The following OSBPL1A variants were observed in gnomAD, a reference collection of about 807,000 sequenced individuals.
The protein encoded by OSBPL1A is oxysterol binding protein like 1A, also known as oxysterol-binding protein-related protein 1.
OSBPL1A carries 80 observed loss-of-function variants against 137.1 expected under a neutral mutation model. The observed-to-expected ratio is 0.58, with a 90% CI of 0.49 to 0.70. The LOEUF (loss-of-function observed/expected upper bound fraction) is 0.70. Among genes scored for constraint, OSBPL1A ranks in the 30% least tolerant of loss-of-function variants. The pLI, the probability that OSBPL1A is intolerant of heterozygous loss-of-function variation, is 0.00. For missense variants in OSBPL1A, 970 were observed against 1,129.4 expected, an observed-to-expected ratio of 0.86 and a Z score of 2.02; for synonymous variants, 365 against 389.7, an observed-to-expected ratio of 0.94 and a Z score of 0.75.
rs2089869466 is a variant in OSBPL1A, at chr18:24,277,499, T to C, written c.1281+3343A>G. On this transcript the variant is annotated intron_variant, in intron 15 of 27. Transcript: ENST00000319481. ...TACCAATATGATCGCATTTACTCTT[T>C]AAAACAATCCCTTTTGGGTGGTCAC... is the stretch of plus-strand genomic sequence containing the variant. Among the ~76,000 whole-genome samples, 3 of 152,326 alleles carry C rather than the reference T, an allele frequency of 2.0e-5. 1 individual carries two copies. In the South Asian group the frequency reaches 6.2e-4, roughly 32 times the overall value.
In OSBPL1A at chr18:24,166,903, A is replaced by C. The variant is rs181477453; in HGVS notation, c.2536-201T>G. On this transcript the variant is annotated intron_variant, in intron 25 of 27. Transcript: ENST00000319481. Reference sequence around the variant, plus strand: ...GTGGGTATCTCTCAAAAAAATCTCAAAGCAGGCTTTGCAGAATAAATATCC... The same window carrying C: ...GTGGGTATCTCTCAAAAAAATCTCACAGCAGGCTTTGCAGAATAAATATCC... Among the ~76,000 whole-genome samples the C allele has an allele frequency of 2.0e-5, 3 of 152,280 alleles. No individual in the cohort carries two copies. In the East Asian group the frequency reaches 5.8e-4, roughly 29 times the overall value.
At position 24,195,861 on chromosome 18, in the gene OSBPL1A, T is replaced by C. The variant is rs144189856; in HGVS notation, c.1677+264A>G. On this transcript the variant is annotated intron_variant, in intron 18 of 27. Coordinates refer to ENST00000319481, the MANE Select transcript of OSBPL1A (RefSeq NM_080597.4). The stretch of plus-strand genomic sequence containing the variant: ...TTCTAGGTAAGTCTATGGGGCAATA[T>C]AAATGTGCTGTGTCAACAGAAACAC... The C allele has an allele frequency of 5.1e-4, 216 of 423,714 alleles. 1 individual carries two copies. The highest frequency in any genetic ancestry group is 3.9e-3 in the African/African-American group (190 of 49,258). The allele number at this position is 423,714 out of a possible 1,614,324, so 26.2% of individuals were successfully genotyped here.
intron 15 of OSBPL1A, among the ~76,000 whole-genome samples, chr18:24,266,652 G>C (rs2089582164): frequency 6.6e-6 from 1 of 152,122 alleles, no homozygotes; most frequent in Non-Finnish European, 1.5e-5. Context: ...CAAACCTTCT[G>C]TACCTTTTAG....
At position 24,214,664 on chromosome 18, in the gene OSBPL1A, T is replaced by C. The variant is rs1022192346; in HGVS notation, c.1601+10378A>G. 2.6e-5 allele frequency among the ~76,000 whole-genome samples: 4 copies of C among 152,204 alleles called. No homozygotes were observed. The South Asian group carries it at 8.3e-4, about 32-fold the overall frequency. On this transcript the variant is annotated intron_variant, in intron 17 of 27. Transcript: ENST00000319481. The stretch of plus-strand genomic sequence containing the variant: ...TTGATAAAAATTGTTGATCGTTGAA[T>C]GTAACTCTGGAGCAAGGCTGTTTTT...
intron 11 of OSBPL1A, among the ~76,000 whole-genome samples, chr18:24,315,845 AATAAAATATATAATAT>A (rs2090723139): frequency 8.3e-6 from 1 of 120,024 alleles, no homozygotes; most frequent in African/African-American, 3.3e-5. Flanking sequence ...TATATTATAT[AATAAAATATATAATAT>A]ATAGTATATA....
intron 17 of OSBPL1A, among the ~76,000 whole-genome samples, chr18:24,197,346 C>T (rs1744856685): frequency 6.6e-6 from 1 of 152,116 alleles, no homozygotes; most frequent in African/African-American, 2.4e-5. Context: ...GATTCTGTCT[C>T]AAAAACTAAA....
chr18:24,266,343 T>C (rs1003118186), intron 15 of OSBPL1A, among the ~76,000 whole-genome samples: 2 of 152,186 alleles, frequency 1.3e-5, no homozygotes, highest in Non-Finnish European at 2.9e-5. Flanking sequence ...ACACAGGTTA[T>C]CCTGGCTTGT....
chr18:24,254,626 G>A (rs2089214200), intron 15 of OSBPL1A, among the ~76,000 whole-genome samples: 1 of 152,010 alleles, frequency 6.6e-6, no homozygotes, highest in African/African-American at 2.4e-5. Flanking sequence ...AAAATTTCTT[G>A]AAACAAATGA....
intron 18 of OSBPL1A, among the ~76,000 whole-genome samples, chr18:24,185,263 G>A (rs947095427): frequency 2.6e-5 from 4 of 151,994 alleles, no homozygotes; most frequent in African/African-American, 9.7e-5. Flanking sequence ...AACACCAAGA[G>A]TGAGCCCTAG....
chr18:24,305,515 T>A (rs879802632), intron 13 of OSBPL1A, among the ~76,000 whole-genome samples: 6 of 152,228 alleles, frequency 3.9e-5, no homozygotes, highest in Non-Finnish European at 8.8e-5. Flanking sequence ...TAATAAAACA[T>A]AATATGGTCT....
chr18:24,279,449 A>G (rs1484373797), intron 15 of OSBPL1A, among the ~76,000 whole-genome samples: 1 of 151,936 alleles, frequency 6.6e-6, no homozygotes, highest in Non-Finnish European at 1.5e-5. Flanking sequence ...TTGTATATGA[A>G]TTCATAAGGA....
chr18:24,271,251 A>G lies in OSBPL1A; in HGVS notation c.1281+9591T>C, dbSNP rs1447261726. 6.6e-6 allele frequency among the ~76,000 whole-genome samples: 1 copy of G among 152,142 alleles called. No homozygotes were observed. The highest frequency in any genetic ancestry group is 1.5e-5 in the Non-Finnish European group (1 of 68,026). On this transcript the variant is annotated intron_variant, in intron 15 of 27. Transcript: ENST00000319481. This position sits in a 1 kb window ranked among gnomAD's most constrained non-coding sequence, Gnocchi z 4.0. ...GAGCACAGCCATGCGAAAAATCACT[A>G]ACTTGGAAGGTTATTTAGGACAATA...
intron 15 of OSBPL1A, among the ~76,000 whole-genome samples, chr18:24,273,531 T>C (rs1298354714): frequency 1.3e-5 from 2 of 152,230 alleles, no homozygotes; most frequent in Non-Finnish European, 2.9e-5. Context: ...TAAACATATA[T>C]TCATTTGTTC....
intron 12 of OSBPL1A, among the ~76,000 whole-genome samples, chr18:24,313,506 C>T (rs1394870472): frequency 6.6e-6 from 1 of 151,948 alleles, no homozygotes; most frequent in Admixed American, 6.6e-5. Context: ...TTCTAGCTTG[C>T]TGCTGTTGTT....
chr18:24,265,820 C>T (rs973701448), intron 15 of OSBPL1A, among the ~76,000 whole-genome samples: 1 of 152,168 alleles, frequency 6.6e-6, no homozygotes, highest in Non-Finnish European at 1.5e-5. Flanking sequence ...GACATCTCCC[C>T]TGCATCTCTC....
chr18:24,194,681 A>C (rs2086975665), intron 18 of OSBPL1A, among the ~76,000 whole-genome samples: 1 of 152,194 alleles, frequency 6.6e-6, no homozygotes, highest in Admixed American at 6.5e-5. Flanking sequence ...CGCAACGTTA[A>C]ACCAGGAATA....
At chr18:24,222,101 G>C (rs1281280869) in intron 17 of OSBPL1A, among the ~76,000 whole-genome samples, 1 of 152,116 alleles carries the variant, frequency 6.6e-6, no homozygotes, top group Non-Finnish European at 1.5e-5. Flanking sequence ...TTCCTGATAA[G>C]AACTGTTTTA....
intron 15 of OSBPL1A, among the ~76,000 whole-genome samples, chr18:24,257,395 A>G (rs979872030): frequency 3.9e-5 from 6 of 152,204 alleles, no homozygotes; most frequent in Non-Finnish European, 8.8e-5. Context: ...AGTCTCTTCA[A>G]TAAGTTGTAC....
At chr18:24,344,659 C>A (rs1043108891) in intron 4 of OSBPL1A, among the ~76,000 whole-genome samples, 1 of 152,110 alleles carries the variant, frequency 6.6e-6, no homozygotes, top group African/African-American at 2.4e-5. Flanking sequence ...GGACGCCCAG[C>A]ATGCAGCAGA....
Sources: allele counts gnomAD v4.1 joint callset (sites outside exome capture counted in the v4.1 genomes callset), GRCh38; gene constraint gnomAD v4.1.1; non-coding constraint Gnocchi (gnomAD v3.1); transcripts MANE v1.5; gene names NCBI Gene and HGNC (gene_info 2026-07-23, HGNC 2026-07-21).